Variants in UTP20 observed in about 807,000 individuals in gnomAD.
UTP20 encodes the protein UTP20 small subunit processome component.
UTP20 carries 164 observed loss-of-function variants against 329.5 expected under a neutral mutation model. The ratio of observed to expected loss-of-function variants is 0.50; its 90% confidence interval spans 0.44 to 0.57. The LOEUF (loss-of-function observed/expected upper bound fraction) is 0.57, where lower values mean the gene tolerates loss of function less well. Among genes scored for constraint, UTP20 ranks in the 20% least tolerant of loss-of-function variants. The pLI is 0.00. For synonymous variants in UTP20, 1,151 were observed against 1,159.3 expected, an observed-to-expected ratio of 0.99 and a Z score of 0.14; for missense variants, 3,055 against 3,284.2, an observed-to-expected ratio of 0.93 and a Z score of 1.71.
intron 8 of UTP20, 116 bp from the exon 9 acceptor site, chr12:101,291,626 C>A: frequency 1.2e-4 from 120 of 999,630 alleles, no homozygotes; most frequent in East Asian, 3.8e-4. Context: ...GTAAATGTAT[C>A]TTTTTCTTCC....
At chr12:101,372,550 CA>C (rs1870328616) in intron 51 of UTP20, among the ~76,000 whole-genome samples, 2 of 152,178 alleles carry the variant, frequency 1.3e-5, no homozygotes, top group Non-Finnish European at 2.9e-5. Context: ...GACCACAGTC[CA>C]TACTGTGGTA....
At position 101,353,054 on chromosome 12, in the gene UTP20, G is replaced by A; in HGVS notation, c.5032G>A (p.Val1678Ile). 1.3e-6 allele frequency: 2 copies of A among 1,561,010 alleles called. No individual in the cohort carries two copies. The highest frequency in any genetic ancestry group is 1.7e-6 in the Non-Finnish European group (2 of 1,148,056). The change falls in exon 40 of 62, where the codon GTA (valine) becomes ATA (isoleucine). Residue 1678 changes from valine (V) to isoleucine (I), a missense_variant. Coordinates refer to ENST00000261637, the MANE Select transcript of UTP20 (RefSeq NM_014503.3). Reference sequence around the variant, plus strand: ...TACTTTTTTTTTTAACAGTTTGCTAGTAATAGTGTTAGAAGCATTCCACTT... The same window carrying A: ...TACTTTTTTTTTTAACAGTTTGCTAATAATAGTGTTAGAAGCATTCCACTT... ...INQKLGVSLLVIVLEAFHFDH... is the reference protein window; with the variant it reads ...INQKLGVSLLIIVLEAFHFDH...
At chr12:101,321,745 T>C in intron 25 of UTP20, 116 bp downstream of exon 25, 2 of 1,312,322 alleles carry the variant, frequency 1.5e-6, no homozygotes, top group East Asian at 2.8e-5. Flanking sequence ...CTATTTTCTT[T>C]TGATTGCATT....
chr12:101,372,872 TTTTG>T lies in UTP20; in HGVS notation c.6799-9_6799-6del. 6.2e-7 allele frequency: 1 copy of T among 1,609,960 alleles called. No individual in the cohort carries two copies. The highest frequency in any genetic ancestry group is 8.5e-7 in the Non-Finnish European group (1 of 1,176,236). On this transcript the variant is annotated splice_polypyrimidine_tract_variant and splice_region_variant and intron_variant, in intron 51 of 61. Transcript: ENST00000261637. ...AGATCCAAATAATCATCTGTGTGACTTTTGTTCCTAGGTTTTTCTGAAATATATT... is the reference window on the plus strand; with the variant it reads ...AGATCCAAATAATCATCTGTGTGACTTTCCTAGGTTTTTCTGAAATATATT...
intron 11 of UTP20, among the ~76,000 whole-genome samples, chr12:101,294,192 C>T (rs897889361): frequency 3.3e-5 from 5 of 152,142 alleles, no homozygotes; most frequent in Non-Finnish European, 7.4e-5. Flanking sequence ...CCCACCACCA[C>T]GCCTGGCTGA....
intron 19 of UTP20, among the ~76,000 whole-genome samples, chr12:101,310,276 T>C (rs1290636992): frequency 6.6e-6 from 1 of 152,070 alleles, no homozygotes; most frequent in Non-Finnish European, 1.5e-5. Context: ...AGTGGTCACA[T>C]AGAAAATACA....
chr12:101,368,702 A>C (rs569487406), intron 48 of UTP20, among the ~76,000 whole-genome samples: 4 of 152,104 alleles, frequency 2.6e-5, no homozygotes, highest in African/African-American at 9.7e-5. Context: ...TGATCCTCAC[A>C]ACCACCCCTG....
At chr12:101,337,844 AAT>A (rs1477213406) in intron 29 of UTP20, among the ~76,000 whole-genome samples, 1 of 152,214 alleles carries the variant, frequency 6.6e-6, no homozygotes, top group Non-Finnish European at 1.5e-5. Flanking sequence ...TTAAATGAGA[AAT>A]ATATATAAAG....
rs1043393547 is a variant in UTP20 at position 101,338,826 on chromosome 12, A to T, written c.3882A>T (p.Ile1294=). 6.2e-7 allele frequency: 1 copy of T among 1,608,788 alleles called. No individual in the cohort carries two copies. The part of the protein sequence containing the change: ...IAENIGESIT[I]GGRLILPHVP... ...TATCTATTTCAGAGTCTATCACAAT[A>T]GGAGGAAGATTAATTCTACCTCATG... The change falls in exon 31 of 62, where the codon ATA becomes ATT. Residue 1294 remains isoleucine, a synonymous_variant. Coordinates refer to ENST00000261637, the MANE Select transcript of UTP20 (RefSeq NM_014503.3).
chr12:101,376,366 G>A (rs1870472254), intron 56 of UTP20, among the ~76,000 whole-genome samples: 1 of 152,142 alleles, frequency 6.6e-6, no homozygotes, highest in African/African-American at 2.4e-5. Flanking sequence ...GAAACATTCT[G>A]AGAAATATAT....
chr12:101,320,713 G>A (rs1448278254), intron 23 of UTP20, 139 bp from the exon 24 acceptor site: 2 of 553,568 alleles, frequency 3.6e-6, no homozygotes, highest in East Asian at 3.3e-5. Context: ...ATGTGAAGCT[G>A]TTGTTAGCAA....
intron 43 of UTP20, among the ~76,000 whole-genome samples, chr12:101,359,057 T>C (rs1198037308): frequency 6.6e-6 from 1 of 152,144 alleles, no homozygotes; most frequent in Non-Finnish European, 1.5e-5. Context: ...ATTTCTTTGT[T>C]TTTTTGTTTT....
At chr12:101,365,296 T>G (rs1870059721) in intron 45 of UTP20, among the ~76,000 whole-genome samples, 163 bp from the exon 46 acceptor site, 1 of 152,188 alleles carries the variant, frequency 6.6e-6, no homozygotes, top group Admixed American at 6.5e-5. Context: ...AACTTTCACC[T>G]TATATGTTAT....
intron 56 of UTP20, among the ~76,000 whole-genome samples, chr12:101,377,370 C>T (rs562962728): frequency 1.3e-5 from 2 of 151,964 alleles, no homozygotes; most frequent in South Asian, 2.1e-4. Context: ...CTCACTCTGT[C>T]GCCAGGCTGG....
intron 53 of UTP20, 25 bp downstream of exon 53, chr12:101,373,495 C>A: frequency 6.2e-7 from 1 of 1,614,046 alleles, no homozygotes; most frequent in Non-Finnish European, 8.5e-7. Flanking sequence ...GAGATAAGCC[C>A]CGTGACTCCT....
At position 101,291,769 on chromosome 12, in the gene UTP20, G is replaced by A; in HGVS notation, c.919G>A (p.Val307Ile). ...QESLLDLHTK[V>I]TKTNCCESSE... ...ATCGCTCTTGGATCTACACACAAAA[G>A]TAACAAAAACTAACTGTTGTGAAAG... is the stretch of plus-strand genomic sequence containing the variant. Residue 307 changes from valine to isoleucine, a missense_variant, in exon 9 of 62, where the codon GTA (valine) becomes ATA (isoleucine). Around this residue, in one of 3 missense-constraint regions of UTP20, gnomAD observed 2,445 missense variants for 2,575.5 expected, o/e 0.95. Transcript: ENST00000261637. 6.2e-7 allele frequency: 1 copy of A among 1,602,170 alleles called. No individual in the cohort carries two copies. Among genetic ancestry groups the A allele is most frequent in the South Asian group, 1.1e-5 (1 of 87,838 alleles).
At chr12:101,382,038 AG>A (rs1426559183) in intron 58 of UTP20, among the ~76,000 whole-genome samples, 13 of 148,858 alleles carry the variant, frequency 8.7e-5, no homozygotes, top group South Asian at 6.4e-4. Context: ...AAAAAAAAAG[AG>A]AGAGAAATAG....
intron 2 of UTP20, among the ~76,000 whole-genome samples, chr12:101,284,743 C>T (rs1005564592): frequency 1.3e-5 from 2 of 152,176 alleles, no homozygotes; most frequent in South Asian, 2.1e-4. Context: ...GGTAAACTTA[C>T]GAAAAGCCCA....
intron 2 of UTP20, among the ~76,000 whole-genome samples, chr12:101,282,430 G>A (rs970175621): frequency 2.6e-5 from 4 of 151,830 alleles, no homozygotes; most frequent in Non-Finnish European, 5.9e-5. Flanking sequence ...AAACTGCAAA[G>A]CAGTCCAGTG....
Sources: gnomAD v4.1 joint callset for allele counts (sites outside exome capture counted in the v4.1 genomes callset) on GRCh38, gnomAD v4.1.1 for gene constraint, gnomAD v4.1.1 regional missense constraint, MANE v1.5 for transcripts, NCBI Gene and HGNC (gene_info 2026-07-23, HGNC 2026-07-21) for gene names.